The following ATP11C variants were observed in gnomAD, a reference collection of about 807,000 sequenced individuals.
The protein encoded by ATP11C is ATPase phospholipid transporting 11C (ATP11C blood group), also known as phospholipid-transporting ATPase IG.
Under a neutral mutation model 97.4 loss-of-function variants are expected in ATP11C, and 36 were observed. The ratio of observed to expected loss-of-function variants is 0.37; its 90% CI spans 0.28 to 0.49. The LOEUF (loss-of-function observed/expected upper bound fraction) is 0.49. Ranked by LOEUF, ATP11C falls within the 20% of genes least tolerant of loss-of-function variation. ATP11C has a pLI of 0.98. For synonymous variants in ATP11C, 275 were observed against 290.9 expected (o/e 0.95, Z 0.56); for missense variants, 730 against 824.6 (o/e 0.89, Z 1.40).
intron 23 of ATP11C, among the ~76,000 whole-genome samples, chrX:139,750,730 T>G (rs185228615): frequency 1.7e-3 from 186 of 111,572 alleles, no homozygotes; most frequent in African/African-American, 5.6e-3. Context: ...ATGGGGGTCT[T>G]TGACTGGAGA....
At chrX:139,829,026 T>G (rs1285055179) in intron 1 of ATP11C, among the ~76,000 whole-genome samples, 3 of 112,353 alleles carry the variant, frequency 2.7e-5, no homozygotes, top group Non-Finnish European at 5.6e-5. Context: ...GAATAAGGCC[T>G]AAGTGGCCTC....
intron 1 of ATP11C, among the ~76,000 whole-genome samples, chrX:139,834,156 A>G (rs1328817192): frequency 8.9e-6 from 1 of 111,747 alleles, no homozygotes; most frequent in East Asian, 2.8e-4. Flanking sequence ...ATTATGGTCC[A>G]CTAGCAGAGA....
At chrX:139,841,073 C>G (rs1475669604) in intron 1 of ATP11C, among the ~76,000 whole-genome samples, 2 of 112,530 alleles carry the variant, frequency 1.8e-5, no homozygotes, top group Admixed American at 1.9e-4. Context: ...TGTGATATAA[C>G]ATTATCTTTG....
At position 139,750,081 on chromosome X, in the gene ATP11C, A is replaced by G; in HGVS notation, c.2772T>C (p.Ser924=). The change falls in exon 24 of 30, where the codon AGT becomes AGC. Residue 924 remains serine (S), a synonymous_variant. Coordinates refer to ENST00000682941, the MANE Select transcript of ATP11C (RefSeq NM_001353812.2). ...CAATGTTGATGTGCTGTTCCAGTAG[A>G]CTATAGGCCAGGATGGGCAAGGATG... The part of the protein sequence containing the change: ...CFTSLPILAY[S]LLEQHINIDT... 1 of 1,203,066 alleles carries G rather than the reference A, an allele frequency of 8.3e-7. No individual in the cohort carries two copies. Among genetic ancestry groups the G allele is most frequent in the South Asian group, 1.8e-5 (1 of 55,974 alleles).
Position 139,783,264 on chromosome X carries a change from T to A in ATP11C, c.1670A>T (p.Asp557Val), listed in dbSNP as rs1004687043. ...MSVIVKTQEG[D>V]ILLFCKGADS... The stretch of plus-strand genomic sequence containing the variant: ...TGCTCCTTTACAAAAGAGAAGTATG[T>A]CTCCTAAAATAAAGAACCATAGTAC... Residue 557 changes from aspartate (D) to valine (V), a missense_variant, in exon 17 of 30, where the codon GAC (aspartate) becomes GTC (valine). Physicochemically the swap from Asp to Val is radical, Grantham distance 152. Transcript: ENST00000682941. 2.6e-6 allele frequency: 3 copies of A among 1,175,960 alleles called. No individual in the cohort carries two copies. In the African/African-American group the frequency reaches 5.3e-5, roughly 21 times the overall value.
chrX:139,798,172 T>C lies in ATP11C; in HGVS notation c.857+101A>G. Reference sequence around the variant, plus strand: ...CAAGTGCTTAAAATTGTAGTTGCTATTATAATTGATGTTGTTTTTTGTTAT... The same window carrying C: ...CAAGTGCTTAAAATTGTAGTTGCTACTATAATTGATGTTGTTTTTTGTTAT... On this transcript the variant is annotated intron_variant, in intron 10 of 29. Transcript: ENST00000682941. 5.8e-6 allele frequency: 4 copies of C among 692,983 alleles called. 1 individual carries two copies. The Middle Eastern group carries it at 1.2e-3, about 208-fold the overall frequency. The allele number at this position is 692,983 out of a possible 1,213,427, so 57.1% of individuals were successfully genotyped here.
chrX:139,785,136 C>T, intron 16 of ATP11C, 90 bp downstream of exon 16: 1 of 685,353 alleles, frequency 1.5e-6, no homozygotes, highest in Non-Finnish European at 2.3e-6. Flanking sequence ...TACACTACTA[C>T]ATGAAATGAT....
chrX:139,931,974 C>T, intron 1 of ATP11C, 42 bp downstream of exon 1: 4 of 1,149,059 alleles, frequency 3.5e-6, no homozygotes, highest in South Asian at 2.0e-5. Flanking sequence ...GGCTGGCGAG[C>T]AAGCAAACCG....
Position 139,796,322 on chromosome X carries a change from T to C in ATP11C, c.1157A>G (p.Asn386Ser), listed in dbSNP as rs1184765821. 1 of 1,208,387 alleles carries C rather than the reference T, an allele frequency of 8.3e-7. No homozygotes were observed. The highest frequency in any genetic ancestry group is 1.7e-5 in the African/African-American group (1 of 57,827). ...WDKDFYDEEI[N>S]EGALVNTSDL... ...TGATGTGTTAACCAGGGCTCCTTCA[T>C]TAATTTCTTCATCATAAAAGTCCTT... is the stretch of plus-strand genomic sequence containing the variant. The change falls in exon 12 of 30, where the codon AAT (asparagine) becomes AGT (serine). Residue 386 changes from asparagine (N) to serine (S), a missense_variant. Coordinates refer to ENST00000682941, the MANE Select transcript of ATP11C (RefSeq NM_001353812.2).
At chrX:139,792,999 G>C (rs1283304252) in intron 12 of ATP11C, among the ~76,000 whole-genome samples, 1 of 111,712 alleles carries the variant, frequency 9.0e-6, no homozygotes, top group Non-Finnish European at 1.9e-5. Context: ...CTTGTGACTG[G>C]TGTCTAGGAG....
chrX:139,878,043 C>CA (rs1287925657), intron 1 of ATP11C, among the ~76,000 whole-genome samples: 1 of 111,394 alleles, frequency 9.0e-6, no homozygotes, highest in Non-Finnish European at 1.9e-5. Context: ...AAAAAACAAA[C>CA]AAAAAAATAA....
At chrX:139,853,925 ATTAACGACGGATAATTCCC>A (rs2084047321) in intron 1 of ATP11C, among the ~76,000 whole-genome samples, 1 of 110,424 alleles carries the variant, frequency 9.1e-6, no homozygotes. Flanking sequence ...ATGATTTAAC[ATTAACGACGGATAATTCCC>A]TTAACGCAGC....
At chrX:139,743,700 G>C in intron 25 of ATP11C, 76 bp from the exon 26 acceptor site, 2 of 634,831 alleles carry the variant, frequency 3.2e-6, no homozygotes, top group South Asian at 4.4e-5. Context: ...TAAAAAAAAA[G>C]CCAAGTTGAA....
intron 20 of ATP11C, among the ~76,000 whole-genome samples, chrX:139,763,661 C>T (rs768534583): frequency 2.7e-5 from 3 of 112,165 alleles, no homozygotes; most frequent in South Asian, 3.7e-4. Flanking sequence ...CTAACTACAA[C>T]GTAAATGCTA....
chrX:139,764,149 C>T (rs1037921858), intron 20 of ATP11C, among the ~76,000 whole-genome samples: 3 of 111,949 alleles, frequency 2.7e-5, no homozygotes, highest in Non-Finnish European at 5.6e-5. Context: ...CCTAGGAGCA[C>T]ATCAACCCTT....
intron 1 of ATP11C, among the ~76,000 whole-genome samples, chrX:139,905,228 G>A (rs893256084): frequency 2.7e-5 from 3 of 112,278 alleles, no homozygotes; most frequent in African/African-American, 9.7e-5. Context: ...CTGTGCCTGG[G>A]AAAAGACGGG....
chrX:139,894,389 G>T (rs1240744339), intron 1 of ATP11C, among the ~76,000 whole-genome samples: 1 of 112,078 alleles, frequency 8.9e-6, no homozygotes, highest in East Asian at 2.8e-4. Context: ...CGAAATAAGT[G>T]AAGAAGACAA....
intron 1 of ATP11C, among the ~76,000 whole-genome samples, chrX:139,871,044 C>T (rs1472871608): frequency 4.5e-5 from 3 of 66,993 alleles, no homozygotes; most frequent in Non-Finnish European, 7.6e-5. Context: ...ACCTGGGCGA[C>T]AGAGCGAGAC....
intron 5 of ATP11C, 129 bp from the exon 6 acceptor site, chrX:139,804,728 A>G (rs1217958975): frequency 4.3e-6 from 2 of 461,754 alleles, no homozygotes; most frequent in East Asian, 8.0e-5. Context: ...TCAGCATCCT[A>G]CATCATGTGA....
Sources: allele counts gnomAD v4.1 joint callset (sites outside exome capture counted in the v4.1 genomes callset), GRCh38; gene constraint gnomAD v4.1.1; transcripts MANE v1.5; gene names NCBI Gene and HGNC (gene_info 2026-07-23, HGNC 2026-07-21).